Variants in TRPC4 observed in about 807,000 individuals in gnomAD.
TRPC4 encodes the protein short transient receptor potential channel 4.
Under a neutral mutation model 99.4 loss-of-function variants are expected in TRPC4, and 49 were observed. The observed-to-expected ratio is 0.49, with a 90% CI of 0.39 to 0.63. The LOEUF (loss-of-function observed/expected upper bound fraction) is 0.63, where lower values mean the gene tolerates loss of function less well. TRPC4 is among the 20% of genes least tolerant of loss of function. TRPC4 has a pLI of 0.00. For synonymous variants in TRPC4, 454 were observed against 425.9 expected (o/e 1.07, Z -0.81); for missense variants, 898 against 1,152.9 (o/e 0.78, Z 3.20).
intron 1 of TRPC4, among the ~76,000 whole-genome samples, chr13:37,792,713 G>A (rs915123972): frequency 7.4e-6 from 1 of 134,710 alleles, no homozygotes; most frequent in Non-Finnish European, 1.6e-5. Flanking sequence ...CTGACCTCTG[G>A]CTTCTAAATT....
At chr13:37,822,341 T>C (rs1231829552) in intron 1 of TRPC4, among the ~76,000 whole-genome samples, 2 of 152,026 alleles carry the variant, frequency 1.3e-5, no homozygotes, top group Non-Finnish European at 2.9e-5. Context: ...TAGTTACATA[T>C]GTATACATGT....
intron 1 of TRPC4, among the ~76,000 whole-genome samples, chr13:37,818,435 G>A (rs147518321): frequency 1.1e-4 from 17 of 152,136 alleles, no homozygotes; most frequent in South Asian, 1.0e-3. Context: ...ATTTGACCCC[G>A]CAATCCCATT....
At chr13:37,656,963 T>C (rs923643238) in intron 6 of TRPC4, among the ~76,000 whole-genome samples, 9 of 152,170 alleles carry the variant, frequency 5.9e-5, no homozygotes, top group Non-Finnish European at 2.9e-5. Context: ...GGGCTATAAT[T>C]CTTTGCATGT....
chr13:37,651,137 T>C, intron 8 of TRPC4, 128 bp downstream of exon 8: 1 of 1,031,442 alleles, frequency 9.7e-7, no homozygotes, highest in Non-Finnish European at 1.4e-6. Flanking sequence ...AGATGTGTTA[T>C]AAATGTTCAT....
chr13:37,850,916 G>A (rs1416523711), intron 1 of TRPC4, among the ~76,000 whole-genome samples: 2 of 152,008 alleles, frequency 1.3e-5, no homozygotes, highest in African/African-American at 2.4e-5. Context: ...TGGTGAAAAG[G>A]CATACAGATA....
chr13:37,847,189 T>C (rs1034977079), intron 1 of TRPC4, among the ~76,000 whole-genome samples: 7 of 152,032 alleles, frequency 4.6e-5, no homozygotes, highest in Admixed American at 2.0e-4. Flanking sequence ...AGATCACACG[T>C]ACCTGACAGA....
chr13:37,839,586 C>G (rs2139631215), intron 1 of TRPC4, among the ~76,000 whole-genome samples: 1 of 152,050 alleles, frequency 6.6e-6, no homozygotes, highest in South Asian at 2.1e-4. Context: ...CATTATGTAC[C>G]AAGCATTGTG....
At chr13:37,745,506 ATG>A (rs1239565127) in intron 3 of TRPC4, among the ~76,000 whole-genome samples, 34 of 131,810 alleles carry the variant, frequency 2.6e-4, no homozygotes, top group South Asian at 1.9e-3. Flanking sequence ...ATACGTATAT[ATG>A]TATATATATA....
At chr13:37,706,305 G>A (rs566109064) in intron 3 of TRPC4, among the ~76,000 whole-genome samples, 1 of 152,082 alleles carries the variant, frequency 6.6e-6, no homozygotes, top group Non-Finnish European at 1.5e-5. Context: ...CAACAAGGAC[G>A]CTTTATATTC....
chr13:37,840,487 TATACC>T (rs1958701520), intron 1 of TRPC4, among the ~76,000 whole-genome samples: 1 of 152,040 alleles, frequency 6.6e-6, no homozygotes, highest in Non-Finnish European at 1.5e-5. Flanking sequence ...TTCATTCACT[TATACC>T]ATCCCTTCTC....
intron 1 of TRPC4, among the ~76,000 whole-genome samples, chr13:37,797,008 A>AAAGTAAAGTAAAGTAAAG (rs1566178222): frequency 7.4e-5 from 7 of 94,460 alleles, no homozygotes; most frequent in African/African-American, 2.7e-4. Context: ...GTAAAGTAAA[A>AAAGTAAAGTAAAGTAAAG]TAAAATAAAA....
chr13:37,861,428 A>G (rs999846809), intron 1 of TRPC4, among the ~76,000 whole-genome samples: 2 of 151,622 alleles, frequency 1.3e-5, no homozygotes, highest in Non-Finnish European at 3.0e-5. Context: ...ACTGATAAGA[A>G]AGTACTTAAG....
intron 3 of TRPC4, among the ~76,000 whole-genome samples, chr13:37,711,117 T>A (rs1954470611): frequency 6.6e-6 from 1 of 152,024 alleles, no homozygotes; most frequent in Non-Finnish European, 1.5e-5. Context: ...TAGTACTACA[T>A]ACCTTTTGCT....
At chr13:37,672,270 C>A (rs184513071) in intron 5 of TRPC4, among the ~76,000 whole-genome samples, 1 of 152,214 alleles carries the variant, frequency 6.6e-6, no homozygotes, top group African/African-American at 2.4e-5. Flanking sequence ...GTAATAAATA[C>A]AAACATGATA....
At chr13:37,641,907 TTTGA>T (rs1315324762) in intron 8 of TRPC4, among the ~76,000 whole-genome samples, 1 of 152,208 alleles carries the variant, frequency 6.6e-6, no homozygotes, top group Non-Finnish European at 1.5e-5. Flanking sequence ...TTTTTTCCTT[TTTGA>T]TTGATAATGT....
At position 37,714,101 on chromosome 13, in the gene TRPC4, T is replaced by C. The variant is rs374364863; in HGVS notation, c.898-21766A>G. Among the ~76,000 whole-genome samples the C allele has an allele frequency of 2.0e-5, 3 of 151,754 alleles. No homozygotes were observed. In the South Asian group the frequency reaches 6.2e-4, roughly 32 times the overall value. On this transcript the variant is annotated intron_variant, in intron 3 of 10. Transcript: ENST00000379705. ...CCTTTCTCCCTTTCTTTTCTTTTCT[T>C]TTTTTTCTCTTTCGCTCTCTCTCTT...
intron 4 of TRPC4, among the ~76,000 whole-genome samples, chr13:37,682,429 A>C (rs373787651): frequency 6.6e-6 from 1 of 152,196 alleles, no homozygotes; most frequent in African/African-American, 2.4e-5. Context: ...ATTTAAAGGA[A>C]GTCTTTTATT....
chr13:37,721,864 T>C (rs1954881655), intron 3 of TRPC4, among the ~76,000 whole-genome samples: 1 of 152,156 alleles, frequency 6.6e-6, no homozygotes, highest in South Asian at 2.1e-4. Context: ...CTTGAAATCC[T>C]GGGCTCATGT....
At chr13:37,771,113 C>G (rs1164970917) in intron 2 of TRPC4, among the ~76,000 whole-genome samples, 1 of 151,596 alleles carries the variant, frequency 6.6e-6, no homozygotes, top group Non-Finnish European at 1.5e-5. Context: ...AGTGAGGGTG[C>G]ATGTTAAGCA....
Sources: gnomAD v4.1 joint callset for allele counts (sites outside exome capture counted in the v4.1 genomes callset) on GRCh38, gnomAD v4.1.1 for gene constraint, MANE v1.5 for transcripts, NCBI Gene and HGNC (gene_info 2026-07-23, HGNC 2026-07-21) for gene names.